Variants in LAMB1 observed in about 807,000 individuals in gnomAD.
LAMB1 encodes the protein laminin subunit beta-1.
LAMB1 carries 121 observed loss-of-function variants against 222.3 expected under a neutral mutation model. The observed-to-expected ratio is 0.54, with a 90% CI of 0.47 to 0.63. The LOEUF (loss-of-function observed/expected upper bound fraction) is 0.63. Among genes scored for constraint, LAMB1 ranks in the 30% least tolerant of loss-of-function variants. LAMB1 has a pLI of 0.00. For missense variants in LAMB1, 2,172 were observed against 2,240.8 expected, an observed-to-expected ratio of 0.97 and a Z score of 0.62; for synonymous variants, 794 against 807.2, an observed-to-expected ratio of 0.98 and a Z score of 0.28.
At chr7:107,930,514 C>T (rs750130207) in intron 29 of LAMB1, among the ~76,000 whole-genome samples, 2 of 152,142 alleles carry the variant, frequency 1.3e-5, no homozygotes, top group African/African-American at 4.8e-5. Flanking sequence ...AATTATCAAC[C>T]CAGCATTAAA....
chr7:107,994,742 T>A, intron 5 of LAMB1, 145 bp downstream of exon 5: 1 of 539,966 alleles, frequency 1.9e-6, no homozygotes, highest in Admixed American at 3.2e-5. Context: ...ATGCTCGTTT[T>A]AAAAACTGCT....
At chr7:107,961,091 G>A in intron 17 of LAMB1, 115 bp downstream of exon 17, 1 of 1,193,762 alleles carries the variant, frequency 8.4e-7, no homozygotes, top group Non-Finnish European at 1.2e-6. Context: ...AGGCAAGAAA[G>A]AATGATTCTG....
chr7:107,973,166 A>G (rs2150437281), intron 12 of LAMB1, 95 bp from the exon 13 acceptor site: 2 of 980,330 alleles, frequency 2.0e-6, no homozygotes, highest in Non-Finnish European at 3.3e-6. Flanking sequence ...CGGCTGTTCC[A>G]CCAAATGCTC....
At chr7:107,972,017 C>A (rs2033757875) in intron 13 of LAMB1, among the ~76,000 whole-genome samples, 1 of 152,208 alleles carries the variant, frequency 6.6e-6, no homozygotes, top group Non-Finnish European at 1.5e-5. Context: ...ATTCCACAAG[C>A]AGACAGCATT....
chr7:107,951,967 C>A, intron 23 of LAMB1, 42 bp downstream of exon 23: 1 of 1,539,990 alleles, frequency 6.5e-7, no homozygotes. Flanking sequence ...TGGGCTGACA[C>A]CTGAGCTCAT....
chr7:108,000,269 C>T (rs989880638), intron 3 of LAMB1, among the ~76,000 whole-genome samples: 7 of 152,036 alleles, frequency 4.6e-5, no homozygotes, highest in Non-Finnish European at 7.3e-5. Flanking sequence ...GTCTAGACAT[C>T]TCTGTATAAA....
chr7:107,974,201 A>G (rs2033806855), intron 12 of LAMB1, among the ~76,000 whole-genome samples: 2 of 152,250 alleles, frequency 1.3e-5, no homozygotes, highest in Admixed American at 1.3e-4. Flanking sequence ...AAGTATAACA[A>G]TGTTATTAAA....
At chr7:107,999,617 T>A (rs2034345200) in intron 3 of LAMB1, among the ~76,000 whole-genome samples, 1 of 152,298 alleles carries the variant, frequency 6.6e-6, no homozygotes, top group African/African-American at 2.4e-5. Context: ...GGAGCCTGGA[T>A]AAAACAAGCT....
chr7:107,972,155 C>A (rs1357608486), intron 13 of LAMB1, among the ~76,000 whole-genome samples: 4 of 152,204 alleles, frequency 2.6e-5, no homozygotes, highest in Non-Finnish European at 5.9e-5. Context: ...CGACCTCGAA[C>A]AGAACAAACC....
intron 14 of LAMB1, among the ~76,000 whole-genome samples, chr7:107,964,135 A>C (rs1042186427): frequency 2.6e-5 from 4 of 152,198 alleles, no homozygotes; most frequent in Admixed American, 1.3e-4. Context: ...TCGTGTGGAG[A>C]GAAATGCCCA....
intron 9 of LAMB1, among the ~76,000 whole-genome samples, chr7:107,976,959 CCTTT>C (rs2033874593): frequency 1.5e-5 from 2 of 131,742 alleles, no homozygotes; most frequent in Non-Finnish European, 3.2e-5. Context: ...CTCCTTCCTT[CCTTT>C]CCTCTCCCTC....
intron 28 of LAMB1, 67 bp downstream of exon 28, chr7:107,932,107 C>T (rs1262349055): frequency 2.2e-6 from 3 of 1,379,080 alleles, no homozygotes; most frequent in Non-Finnish European, 3.1e-6. Flanking sequence ...TTCTCCCTTT[C>T]AGATCCTTTA....
chr7:107,941,156 G>A (rs571040832), intron 24 of LAMB1, among the ~76,000 whole-genome samples: 2 of 152,320 alleles, frequency 1.3e-5, no homozygotes, highest in South Asian at 4.1e-4. Flanking sequence ...AATGGCACAG[G>A]AAAATCACGT....
chr7:107,959,987 C>T (rs1028915495), intron 18 of LAMB1, among the ~76,000 whole-genome samples, 153 bp from the exon 19 acceptor site: 2 of 152,206 alleles, frequency 1.3e-5, no homozygotes, highest in African/African-American at 4.8e-5. Flanking sequence ...AAAGGGGAGG[C>T]AGAGTTGGCA....
chr7:107,967,028 C>T (rs974942153), intron 13 of LAMB1, among the ~76,000 whole-genome samples: 6 of 152,210 alleles, frequency 3.9e-5, no homozygotes, highest in African/African-American at 1.4e-4. Context: ...CTCTCAGCAC[C>T]CAGCAGGTGG....
rs752860488 is a variant in LAMB1, at chr7:107,952,013, T to C, written c.3290A>G (p.Asn1097Ser). ...NAAHSFGPSC[N>S]EFTGQCQCMP... ...TCCCCAGCAGCAGCCCCTCACCTCA[T>C]TGCAAGATGGCCCGAAGGAATGAGC... is the stretch of plus-strand genomic sequence containing the variant. The change falls in exon 23 of 34, where the codon AAT becomes AGT. Residue 1097 changes from asparagine to serine, a missense_variant. Transcript: ENST00000222399. The C allele has an allele frequency of 3.1e-6, 5 of 1,609,674 alleles. No individual in the cohort carries two copies. In the Admixed American group the frequency reaches 6.7e-5, roughly 21 times the overall value.
At chr7:107,982,765 T>C (rs552957696) in intron 7 of LAMB1, among the ~76,000 whole-genome samples, 1 of 152,310 alleles carries the variant, frequency 6.6e-6, no homozygotes, top group South Asian at 2.1e-4. Context: ...GGCAAATCAC[T>C]TTTGAAGTGA....
intron 4 of LAMB1, among the ~76,000 whole-genome samples, chr7:107,996,382 G>T (rs76868537): frequency 0.012 from 1,861 of 152,284 alleles, 32 homozygotes; most frequent in East Asian, 0.04. Context: ...GACCTAGGAA[G>T]AGATCATCAC....
intron 21 of LAMB1, among the ~76,000 whole-genome samples, chr7:107,955,061 G>A (rs977655481): frequency 2.2e-4 from 33 of 152,042 alleles, no homozygotes; most frequent in African/African-American, 6.5e-4. Context: ...GAATATATTC[G>A]GCCATCTTGT....
Sources: allele counts gnomAD v4.1 joint callset (sites outside exome capture counted in the v4.1 genomes callset), GRCh38; gene constraint gnomAD v4.1.1; transcripts MANE v1.5; gene names NCBI Gene and HGNC (gene_info 2026-07-23, HGNC 2026-07-21).